The following TUBGCP3 variants were observed in gnomAD, a reference collection of about 807,000 sequenced individuals.
TUBGCP3 encodes gamma-tubulin complex component 3.
TUBGCP3 carries 50 observed loss-of-function variants against 123.1 expected under a neutral mutation model. The ratio of observed to expected loss-of-function variants is 0.41; its 90% CI spans 0.32 to 0.51. TUBGCP3 has a LOEUF of 0.51. Ranked by LOEUF, TUBGCP3 falls within the 20% of genes least tolerant of loss-of-function variation. The pLI is 0.36. For synonymous variants in TUBGCP3, 405 were observed against 413.9 expected, an observed-to-expected ratio of 0.98 and a Z score of 0.26; for missense variants, 882 against 1,127.0, an observed-to-expected ratio of 0.78 and a Z score of 3.11.
intron 20 of TUBGCP3, 117 bp downstream of exon 20, chr13:112,498,928 C>T (rs755769588): frequency 1.2e-6 from 2 of 1,614,050 alleles, no homozygotes; most frequent in Non-Finnish European, 1.7e-6. Flanking sequence ...AGTATAGGCA[C>T]ATCTCAACCT....
chr13:112,585,878 G>A (rs990128935), intron 1 of TUBGCP3, among the ~76,000 whole-genome samples: 1 of 151,864 alleles, frequency 6.6e-6, no homozygotes, highest in African/African-American at 2.4e-5. Context: ...GAATTTTGCT[G>A]AAAAGAAGCT....
At chr13:112,491,683 G>C (rs1880112874) in intron 20 of TUBGCP3, among the ~76,000 whole-genome samples, 1 of 152,146 alleles carries the variant, frequency 6.6e-6, no homozygotes, top group Admixed American at 6.5e-5. Flanking sequence ...ACGGGGTCTT[G>C]CTATATTGCC....
rs137949928 is a variant in TUBGCP3, at chr13:112,576,155, G to A, written c.77-6896C>T. Among the ~76,000 whole-genome samples the A allele has an allele frequency of 4.6e-3, 701 of 152,280 alleles. 9 individuals are homozygous for A. The highest frequency in any genetic ancestry group is 0.015 in the African/African-American group (622 of 41,560). On this transcript the variant is annotated intron_variant, in intron 1 of 21. Transcript: ENST00000261965. The stretch of plus-strand genomic sequence containing the variant: ...AGACTTAAAAATTCATGGAATGAAC[G>A]TAATTCTGAACAGCTAAAAAATTTA...
At chr13:112,546,298 A>G (rs559061162) in intron 10 of TUBGCP3, 1 of 170,860 alleles carries the variant, frequency 5.9e-6, no homozygotes, top group African/African-American at 2.4e-5. Flanking sequence ...TTGGTATGGT[A>G]TGCTAGCCCC....
the TUBGCP3 span, chr13:112,603,114 A>G: frequency 6.6e-6 from 1 of 152,214 alleles, no homozygotes; most frequent in African/African-American, 2.4e-5. Flanking sequence ...GCTAAGAAAC[A>G]CAAACTCTAG....
chr13:112,569,226 C>T lies in TUBGCP3; in HGVS notation c.110G>A (p.Arg37Gln). ...DVAQQFQYAVRVIGSNFAPTV... is the reference protein window; with the variant it reads ...DVAQQFQYAVQVIGSNFAPTV... ...TGGGGCGAAGTTGCTGCCAATCACC[C>T]GCACAGCATACTGGAACTGCTGGGC... The change falls in exon 2 of 22, where the codon CGG (arginine) becomes CAG (glutamine). Residue 37 changes from arginine (R) to glutamine (Q), a missense_variant. Arg to Gln is a conservative substitution (Grantham distance 43). Around this residue, in one of 3 missense-constraint regions of TUBGCP3, gnomAD observed 713 missense variants for 874.0 expected, o/e 0.82. Transcript: ENST00000261965. 1.2e-6 allele frequency: 2 copies of T among 1,614,132 alleles called. No homozygotes were observed. The highest frequency in any genetic ancestry group is 8.5e-7 in the Non-Finnish European group (1 of 1,180,018).
intron 11 of TUBGCP3, among the ~76,000 whole-genome samples, chr13:112,531,902 A>G (rs1487588874): frequency 6.6e-6 from 1 of 152,200 alleles, no homozygotes; most frequent in Admixed American, 6.5e-5. Flanking sequence ...AATTTTCACC[A>G]TTATGTCAAA....
rs544756383 is a variant in TUBGCP3 at position 112,551,041 on chromosome 13, G to C, written c.967-2865C>G. The stretch of plus-strand genomic sequence containing the variant: ...GTGAACATGGGAGGCGGAGCTTGCA[G>C]TGAGCCGAGATCGCGCCACTGCACT... On this transcript the variant is annotated intron_variant, in intron 8 of 21. Transcript: ENST00000261965. Among the ~76,000 whole-genome samples the C allele has an allele frequency of 9.9e-5, 15 of 152,276 alleles. 1 individual carries two copies. In the South Asian group the frequency reaches 2.9e-3, roughly 29 times the overall value.
chr13:112,499,117 T>A lies in TUBGCP3; in HGVS notation c.2376A>T (p.Ile792=). 6.2e-7 allele frequency: 1 copy of A among 1,614,194 alleles called. No individual in the cohort carries two copies. The highest frequency in any genetic ancestry group is 1.1e-5 in the South Asian group (1 of 91,086). The part of the protein sequence containing the change: ...IIELQNAQDA[I]YRAALEELQR... Reference sequence around the variant, plus strand: ...GCAATTCTTCCAGAGCAGCTCTGTATATTGCATCTTGAGCATTCTGAAGTT... The same window carrying A: ...GCAATTCTTCCAGAGCAGCTCTGTAAATTGCATCTTGAGCATTCTGAAGTT... The change falls in exon 20 of 22, where the codon ATA becomes ATT. Residue 792 remains isoleucine (I), a synonymous_variant. Transcript: ENST00000261965.
At chr13:112,546,586 G>C (rs939126955) in intron 10 of TUBGCP3, 8 of 152,328 alleles carry the variant, frequency 5.3e-5, no homozygotes, top group African/African-American at 1.9e-4. Flanking sequence ...TACACAAAGT[G>C]GGGCTGTGAG....
At position 112,524,004 on chromosome 13, in the gene TUBGCP3, G is replaced by A. The variant is rs1876837354; in HGVS notation, c.1556-1495C>T. On this transcript the variant is annotated intron_variant, in intron 13 of 21. Transcript: ENST00000261965. This position sits in a 1 kb window ranked among gnomAD's most constrained non-coding sequence, Gnocchi z 4.4. Reference sequence around the variant, plus strand: ...CCCTGGCAGCCATGGACAGGACGACGGGGACCACAGGAGTCGTCACAGAGA... The same window carrying A: ...CCCTGGCAGCCATGGACAGGACGACAGGGACCACAGGAGTCGTCACAGAGA... 6.6e-6 allele frequency among the ~76,000 whole-genome samples: 1 copy of A among 152,118 alleles called. No individual in the cohort carries two copies. The highest frequency in any genetic ancestry group is 1.5e-5 in the Non-Finnish European group (1 of 68,026).
Position 112,545,730 on chromosome 13 carries a change from T to C in TUBGCP3, c.1304A>G (p.Tyr435Cys). 1 of 1,614,098 alleles carries C rather than the reference T, an allele frequency of 6.2e-7. No homozygotes were observed. The highest frequency in any genetic ancestry group is 8.5e-7 in the Non-Finnish European group (1 of 1,179,956). Residue 435 changes from tyrosine to cysteine, a missense_variant, in exon 11 of 22, where the codon TAT becomes TGT. Tyr to Cys is a radical substitution (Grantham distance 194). This residue lies in a region of TUBGCP3 where 713 missense variants were observed against 874.0 expected (regional missense o/e 0.82). Transcript: ENST00000261965. This position sits in a 1 kb window ranked among gnomAD's most constrained non-coding sequence, Gnocchi z 4.1. ...PVLSFLYRWI[Y>C]DGELEDTYHE... ...GTAAGTGTCCTCAAGCTCCCCATCA[T>C]ATATCCAGCGGTACAGGAAGCTCAA... is the stretch of plus-strand genomic sequence containing the variant.
chr13:112,495,242 T>C (rs1044209882), intron 20 of TUBGCP3, among the ~76,000 whole-genome samples: 2 of 152,212 alleles, frequency 1.3e-5, no homozygotes, highest in Non-Finnish European at 2.9e-5. Context: ...TTTTTGTACA[T>C]GGCAAGAGAC....
intron 20 of TUBGCP3, among the ~76,000 whole-genome samples, chr13:112,496,431 T>C (rs993545134): frequency 5.9e-5 from 9 of 152,224 alleles, no homozygotes; most frequent in African/African-American, 2.2e-4. Context: ...GCGACTTGCA[T>C]GATCTCTTCA....
chr13:112,589,365 G>A (rs1271125863), upstream of TUBGCP3, among the ~76,000 whole-genome samples: 3 of 152,166 alleles, frequency 2.0e-5, no homozygotes, highest in Admixed American at 6.5e-5. Context: ...CCTCACTAAC[G>A]CTGATGTTAT....
the TUBGCP3 span, among the ~76,000 whole-genome samples, chr13:112,601,187 A>C: frequency 1.0e-5 from 1 of 99,914 alleles, no homozygotes; most frequent in African/African-American, 3.0e-5. Context: ...ATTCTGTCTA[A>C]AAAAAAAAAA....
chr13:112,501,776 T>G (rs1880922020), intron 19 of TUBGCP3, among the ~76,000 whole-genome samples: 1 of 152,188 alleles, frequency 6.6e-6, no homozygotes, highest in African/African-American at 2.4e-5. Flanking sequence ...GCATGACACC[T>G]TCAACGACGT....
upstream of TUBGCP3, among the ~76,000 whole-genome samples, chr13:112,592,756 C>G (rs947527211): frequency 6.6e-5 from 10 of 152,216 alleles, no homozygotes; most frequent in Non-Finnish European, 1.5e-4. The surrounding 1 kb of genome is among the most constrained non-coding windows in gnomAD (Gnocchi z 4.1). Context: ...GGGTTGGGCA[C>G]AGGGGATACC....
upstream of TUBGCP3, among the ~76,000 whole-genome samples, chr13:112,589,991 CTT>C (rs898076645): frequency 1.4e-5 from 2 of 145,808 alleles, no homozygotes; most frequent in Admixed American, 6.9e-5. Flanking sequence ...AACCATCTTT[CTT>C]TTTTTTTTTT....
Sources: allele counts gnomAD v4.1 joint callset (sites outside exome capture counted in the v4.1 genomes callset), GRCh38; gene constraint gnomAD v4.1.1; regional missense constraint gnomAD v4.1.1; non-coding constraint Gnocchi (gnomAD v3.1); transcripts MANE v1.5; gene names NCBI Gene and HGNC (gene_info 2026-07-23, HGNC 2026-07-21).